SPATA6: variants seen among roughly 807,000 people sequenced by gnomAD.
SPATA6 encodes the protein spermatogenesis associated 6.
In SPATA6, 56 loss-of-function variants were observed where a neutral mutation model predicts 65.3. The observed-to-expected ratio is 0.86, with a 90% CI of 0.69 to 1.07. The LOEUF (loss-of-function observed/expected upper bound fraction) is 1.07, where lower values mean the gene tolerates loss of function less well. SPATA6 is among the 50% of genes least tolerant of loss of function. The pLI is 0.00. For synonymous variants in SPATA6, 199 were observed against 213.2 expected (o/e 0.93, Z 0.58); for missense variants, 590 against 594.8 (o/e 0.99, Z 0.08).
At chr1:48,378,954 T>C (rs1367248603) in intron 9 of SPATA6, among the ~76,000 whole-genome samples, 1 of 152,128 alleles carries the variant, frequency 6.6e-6, no homozygotes, top group Non-Finnish European at 1.5e-5. Flanking sequence ...TACAACAACA[T>C]AAACCTGGAA....
intron 3 of SPATA6, among the ~76,000 whole-genome samples, chr1:48,448,339 C>T (rs937546451): frequency 6.6e-6 from 1 of 151,790 alleles, no homozygotes; most frequent in African/African-American, 2.4e-5. Context: ...TATCCCTAAT[C>T]CAAAAACATG....
chr1:48,414,202 GT>G (rs1231367958), intron 3 of SPATA6, among the ~76,000 whole-genome samples: 1 of 152,192 alleles, frequency 6.6e-6, no homozygotes, highest in African/African-American at 2.4e-5. Context: ...GGGCTCTCAA[GT>G]TTTTGTTAAG....
In SPATA6 at chr1:48,432,062, A is replaced by G. The variant is rs559058486; in HGVS notation, c.239-18911T>C. On this transcript the variant is annotated intron_variant, in intron 3 of 12. Coordinates refer to ENST00000371847, the MANE Select transcript of SPATA6 (RefSeq NM_019073.4). ...GAGGCAGAGGCTGCAGTGAGCTGAG[A>G]ACACACCACTGCACTCCAGCCTGGG... 1.8e-4 allele frequency among the ~76,000 whole-genome samples: 27 copies of G among 152,324 alleles called. No individual in the cohort carries two copies. The South Asian group carries it at 5.6e-3, about 32-fold the overall frequency.
chr1:48,324,317 G>A (rs1027107049), intron 11 of SPATA6, among the ~76,000 whole-genome samples: 3 of 152,102 alleles, frequency 2.0e-5, no homozygotes, highest in African/African-American at 7.2e-5. Flanking sequence ...AAAAAATAGA[G>A]GAGGGAGCAC....
the SPATA6 span, among the ~76,000 whole-genome samples, chr1:48,269,193 T>C: frequency 7.2e-5 from 11 of 152,262 alleles, no homozygotes; most frequent in Non-Finnish European, 2.9e-5. Context: ...AATAGCCCAT[T>C]TTTTTCTCTG....
At chr1:48,269,090 C>A in the SPATA6 span, among the ~76,000 whole-genome samples, 1 of 152,096 alleles carries the variant, frequency 6.6e-6, no homozygotes, top group African/African-American at 2.4e-5. Context: ...AATTAAATAA[C>A]TAGTAAATTT....
intron 8 of SPATA6, among the ~76,000 whole-genome samples, chr1:48,390,453 G>T (rs576128933): frequency 6.6e-6 from 1 of 152,266 alleles, no homozygotes; most frequent in East Asian, 1.9e-4. Flanking sequence ...AGCTTAACAG[G>T]TACAAACATA....
the SPATA6 span, among the ~76,000 whole-genome samples, chr1:48,270,956 T>C: frequency 1.3e-5 from 2 of 152,100 alleles, no homozygotes; most frequent in Admixed American, 6.6e-5. Flanking sequence ...CAGCTAACCA[T>C]AGTTTCTAGA....
chr1:48,377,390 C>T (rs1174978641), intron 9 of SPATA6, among the ~76,000 whole-genome samples: 2 of 152,148 alleles, frequency 1.3e-5, no homozygotes, highest in Non-Finnish European at 2.9e-5. Flanking sequence ...ATTTTAGTTG[C>T]TTAGCCACTG....
rs1375745997 is a variant in SPATA6 at position 48,453,146 on chromosome 1, A to G, written c.52-15T>C. 6.2e-7 allele frequency: 1 copy of G among 1,606,444 alleles called. No individual in the cohort carries two copies. Among genetic ancestry groups the G allele is most frequent in the Non-Finnish European group, 8.5e-7 (1 of 1,177,612 alleles). ...GGGCAAGTTACCTGAAAGAAATTAG[A>G]TAAAATGGATGTAACTGCTTTATAA... On this transcript the variant is annotated splice_polypyrimidine_tract_variant and intron_variant, in intron 1 of 12. Coordinates refer to ENST00000371847, the MANE Select transcript of SPATA6 (RefSeq NM_019073.4).
chr1:48,349,880 T>A (rs2148791315), intron 11 of SPATA6, among the ~76,000 whole-genome samples: 1 of 152,104 alleles, frequency 6.6e-6, no homozygotes, highest in Admixed American at 6.6e-5. Context: ...GAAGGGCATC[T>A]CTGTTGCCTC....
At chr1:48,460,015 G>A (rs1657308706) in intron 1 of SPATA6, among the ~76,000 whole-genome samples, 1 of 152,012 alleles carries the variant, frequency 6.6e-6, no homozygotes, top group African/African-American at 2.4e-5. Context: ...CTGTTGCCCA[G>A]GCTAGAATGC....
chr1:48,442,026 C>T (rs1232254794), intron 3 of SPATA6, among the ~76,000 whole-genome samples: 1 of 152,182 alleles, frequency 6.6e-6, no homozygotes, highest in African/African-American at 2.4e-5. Context: ...TGACTGCCAA[C>T]AAATTATAGT....
chr1:48,314,390 C>T (rs1335197129), intron 11 of SPATA6, among the ~76,000 whole-genome samples: 6 of 152,086 alleles, frequency 3.9e-5, no homozygotes, highest in Non-Finnish European at 5.9e-5. Flanking sequence ...AAGAAACTCA[C>T]TCAAAACCGC....
chr1:48,445,634 T>G (rs540437068), intron 3 of SPATA6, among the ~76,000 whole-genome samples: 93 of 115,254 alleles, frequency 8.1e-4, no homozygotes, highest in African/African-American at 3.2e-3. Context: ...CACTCCAGAC[T>G]GGGAGAGAGA....
At chr1:48,337,765 TA>T (rs1162074899) in intron 11 of SPATA6, among the ~76,000 whole-genome samples, 1 of 151,974 alleles carries the variant, frequency 6.6e-6, no homozygotes, top group Non-Finnish European at 1.5e-5. Flanking sequence ...CATCTAGAGC[TA>T]AATCTATAGA....
intron 12 of SPATA6, among the ~76,000 whole-genome samples, chr1:48,303,450 G>A (rs774276021): frequency 6.6e-6 from 1 of 151,980 alleles, no homozygotes; most frequent in African/African-American, 2.4e-5. Flanking sequence ...CCCAGTCCCT[G>A]GTAATCACCA....
At chr1:48,436,401 T>C in intron 3 of SPATA6, 1 of 1,611,334 alleles carries the variant, frequency 6.2e-7, no homozygotes. Flanking sequence ...GTTCAGCAAG[T>C]CAACTCTTGA....
At chr1:48,284,622 C>T in the SPATA6 span, among the ~76,000 whole-genome samples, 3 of 151,992 alleles carry the variant, frequency 2.0e-5, no homozygotes, top group Non-Finnish European at 4.4e-5. Flanking sequence ...TCTGTGTGGA[C>T]ATCCTTTTTG....
Sources: gnomAD v4.1 joint callset for allele counts (sites outside exome capture counted in the v4.1 genomes callset) on GRCh38, gnomAD v4.1.1 for gene constraint, MANE v1.5 for transcripts, NCBI Gene and HGNC (gene_info 2026-07-23, HGNC 2026-07-21) for gene names.